The following SYNE1 variants were observed in gnomAD, a reference collection of about 807,000 sequenced individuals.
The protein encoded by SYNE1 is nesprin-1.
In SYNE1, 616 loss-of-function variants were observed where a neutral mutation model predicts 1,111.0. The observed-to-expected ratio is 0.55, with a 90% CI of 0.52 to 0.59. The LOEUF (loss-of-function observed/expected upper bound fraction) is 0.59, where lower values mean the gene tolerates loss of function less well. SYNE1 is among the 20% of genes least tolerant of loss of function. The pLI, the probability that SYNE1 is intolerant of heterozygous loss-of-function variation, is 0.00. For synonymous variants in SYNE1, 3,855 were observed against 3,825.8 expected, an observed-to-expected ratio of 1.01 and a Z score of -0.28; for missense variants, 10,006 against 10,417.0, an observed-to-expected ratio of 0.96 and a Z score of 1.72.
At chr6:152,577,093 C>G (rs2099499672) in intron 3 of SYNE1, among the ~76,000 whole-genome samples, 1 of 152,182 alleles carries the variant, frequency 6.6e-6, no homozygotes, top group Admixed American at 6.5e-5. Flanking sequence ...GCTACAATCA[C>G]TGCAGCTAAT....
intron 2 of SYNE1, among the ~76,000 whole-genome samples, chr6:152,630,265 TG>T (rs1565304943): frequency 2.0e-5 from 3 of 152,112 alleles, no homozygotes; most frequent in East Asian, 3.9e-4. Context: ...TGGAAGTCAT[TG>T]GTAGGAAGAT....
chr6:152,216,147 C>T (rs1017031554), intron 121 of SYNE1, among the ~76,000 whole-genome samples: 28 of 152,172 alleles, frequency 1.8e-4, no homozygotes, highest in African/African-American at 6.8e-4. Flanking sequence ...CTGCAAAAGA[C>T]TCATGTTTTT....
intron 74 of SYNE1, among the ~76,000 whole-genome samples, chr6:152,341,741 TGTCG>T (rs2096538122): frequency 6.6e-6 from 1 of 152,176 alleles, no homozygotes; most frequent in Non-Finnish European, 1.5e-5. Context: ...CCTCATTTAA[TGTCG>T]TCAGCAGATT....
chr6:152,568,752 C>T (rs1302157163), intron 3 of SYNE1, among the ~76,000 whole-genome samples: 2 of 152,174 alleles, frequency 1.3e-5, no homozygotes, highest in Non-Finnish European at 2.9e-5. Flanking sequence ...GAACTACAGG[C>T]TCTTGCCACT....
intron 105 of SYNE1, among the ~76,000 whole-genome samples, chr6:152,248,505 A>G (rs2088104613): frequency 6.6e-6 from 1 of 151,950 alleles, no homozygotes; most frequent in East Asian, 1.9e-4. Context: ...TAAAGTGTAC[A>G]GGTAACTAGT....
chr6:152,161,190 T>C (rs1240754034), intron 131 of SYNE1, among the ~76,000 whole-genome samples: 2 of 147,776 alleles, frequency 1.4e-5, no homozygotes, highest in African/African-American at 4.9e-5. Context: ...AATATAAATA[T>C]ATATTTAATA....
intron 126 of SYNE1, among the ~76,000 whole-genome samples, chr6:152,203,123 A>G (rs2075844650): frequency 6.6e-6 from 1 of 152,224 alleles, no homozygotes; most frequent in African/African-American, 2.4e-5. Context: ...CAAACTGGTA[A>G]CAATGGTTAC....
intron 76 of SYNE1, chr6:152,335,971 G>A (rs1443895777): frequency 6.6e-6 from 1 of 151,782 alleles, no homozygotes; most frequent in African/African-American, 2.4e-5. Context: ...ACAGGCATGA[G>A]CCACCACACC....
In SYNE1 at chr6:152,258,009, T is replaced by G. The variant is rs556987929; in HGVS notation, c.18973-1244A>C. Among the ~76,000 whole-genome samples, 12 of 152,292 alleles carry G rather than the reference T, an allele frequency of 7.9e-5. 1 individual carries two copies. In the South Asian group the frequency reaches 2.5e-3, roughly 32 times the overall value. ...AACTTAAAGAAAACTAAATAATTCTTCTGGCATCCATACAGAGAACAATGA... is the reference window on the plus strand; with the variant it reads ...AACTTAAAGAAAACTAAATAATTCTGCTGGCATCCATACAGAGAACAATGA... On this transcript the variant is annotated intron_variant, in intron 101 of 145. Transcript: ENST00000367255.
At chr6:152,502,053 A>T (rs1949963) in intron 10 of SYNE1, among the ~76,000 whole-genome samples, 36,679 of 151,898 alleles carry the variant, frequency 0.24, 4,605 homozygotes, top group Middle Eastern at 0.32. Context: ...AATACAGAAA[A>T]TTTTTTCCTT....
rs994382278 is a variant in SYNE1 at position 152,526,763 on chromosome 6, G to T, written c.130-588C>A. 2.6e-5 allele frequency among the ~76,000 whole-genome samples: 4 copies of T among 152,178 alleles called. No homozygotes were observed. The East Asian group carries it at 7.7e-4, about 29-fold the overall frequency. ...TGTGTTCTACAGCCTGGTGAATCTAGCGAACCTTCTTTCAGTGTGGCATTG... is the reference window on the plus strand; with the variant it reads ...TGTGTTCTACAGCCTGGTGAATCTATCGAACCTTCTTTCAGTGTGGCATTG... On this transcript the variant is annotated intron_variant, in intron 4 of 145. Transcript: ENST00000367255.
At chr6:152,384,083 T>G (rs1008704868) in intron 55 of SYNE1, among the ~76,000 whole-genome samples, 1 of 152,248 alleles carries the variant, frequency 6.6e-6, no homozygotes, top group Non-Finnish European at 1.5e-5. Flanking sequence ...AGGTTTTATG[T>G]GTATGATCTA....
At chr6:152,433,281 A>G (rs1236891330) in intron 34 of SYNE1, among the ~76,000 whole-genome samples, 1 of 152,200 alleles carries the variant, frequency 6.6e-6, no homozygotes, top group Non-Finnish European at 1.5e-5. Flanking sequence ...GTAAGGAATC[A>G]GAGGACCTCT....
At chr6:152,629,652 G>T in intron 2 of SYNE1, among the ~76,000 whole-genome samples, 1 of 151,818 alleles carries the variant, frequency 6.6e-6, no homozygotes, top group Non-Finnish European at 1.5e-5. Flanking sequence ...CCTAGGTTTA[G>T]CTGAAGAGAA....
intron 5 of SYNE1, among the ~76,000 whole-genome samples, chr6:152,521,486 C>T (rs1052467449): frequency 3.3e-5 from 5 of 152,160 alleles, no homozygotes; most frequent in Non-Finnish European, 7.4e-5. Flanking sequence ...AATAATCCTG[C>T]TAATCTGTAT....
chr6:152,256,250 C>T (rs1300499711), intron 102 of SYNE1, among the ~76,000 whole-genome samples: 6 of 150,610 alleles, frequency 4.0e-5, no homozygotes, highest in African/African-American at 1.5e-4. Context: ...GAAACCCCGT[C>T]TTCACTAAAA....
At chr6:152,265,349 A>T (rs1460565654) in intron 100 of SYNE1, among the ~76,000 whole-genome samples, 1 of 152,152 alleles carries the variant, frequency 6.6e-6, no homozygotes, top group Non-Finnish European at 1.5e-5. Context: ...GAAGAACTAG[A>T]TCTATATCTC....
At chr6:152,263,911 T>C (rs534278040) in intron 100 of SYNE1, among the ~76,000 whole-genome samples, 18 of 151,878 alleles carry the variant, frequency 1.2e-4, no homozygotes, top group African/African-American at 3.9e-4. Flanking sequence ...ACTCAATAAA[T>C]GGGGGTTAAT....
chr6:152,206,128 A>G, intron 126 of SYNE1, 40 bp downstream of exon 126: 7 of 1,596,976 alleles, frequency 4.4e-6, no homozygotes, highest in Non-Finnish European at 6.0e-6. Context: ...TACAACGACT[A>G]AAAGGGTTTT....
Sources: gnomAD v4.1 joint callset for allele counts (sites outside exome capture counted in the v4.1 genomes callset) on GRCh38, gnomAD v4.1.1 for gene constraint, MANE v1.5 for transcripts, NCBI Gene and HGNC (gene_info 2026-07-23, HGNC 2026-07-21) for gene names.